POLR3A: variants seen among roughly 807,000 people sequenced by gnomAD.
POLR3A encodes RNA polymerase III subunit A.
A neutral mutation model predicts 152.8 loss-of-function variants in POLR3A; 112 were observed. The observed-to-expected ratio is 0.73, with a 90% CI of 0.63 to 0.86. The LOEUF (loss-of-function observed/expected upper bound fraction) is 0.86. Ranked by LOEUF, POLR3A falls within the 40% of genes least tolerant of loss-of-function variation. The pLI, the probability that POLR3A is intolerant of heterozygous loss-of-function variation, is 0.00. For missense variants in POLR3A, 1,385 were observed against 1,743.1 expected, an observed-to-expected ratio of 0.79 and a Z score of 3.66; for synonymous variants, 615 against 652.1, an observed-to-expected ratio of 0.94 and a Z score of 0.87.
intron 20 of POLR3A, among the ~76,000 whole-genome samples, chr10:77,991,555 C>T (rs545336423): frequency 2.0e-5 from 3 of 152,328 alleles, no homozygotes; most frequent in East Asian, 3.9e-4. Flanking sequence ...TGGAGTCTTG[C>T]TGGATTGCCA....
At position 78,010,469 on chromosome 10, in the gene POLR3A, A is replaced by G; in HGVS notation, c.1642+2T>C. ...CCTTTCAAGTGAACTTCACCAACCTACCTGTTAGAAAATCCTGAATAGCAG... is the reference window on the plus strand; with the variant it reads ...CCTTTCAAGTGAACTTCACCAACCTGCCTGTTAGAAAATCCTGAATAGCAG... On this transcript the variant is annotated splice_donor_variant, in intron 12 of 30. Transcript: ENST00000372371. LOFTEE classifies it high-confidence loss of function. 1 of 1,609,636 alleles carries G rather than the reference A, an allele frequency of 6.2e-7. No individual in the cohort carries two copies.
At position 77,984,306 on chromosome 10, in the gene POLR3A, GAAGC is replaced by G; in HGVS notation, c.3243-12_3243-9del. ...GCTGTGATAATTGGAGTGCTGTTGA[GAAGC>G]AAAGGAAAAATGGCACTAGCACAAG... On this transcript the variant is annotated splice_polypyrimidine_tract_variant and intron_variant, in intron 24 of 30. Coordinates refer to ENST00000372371, the MANE Select transcript of POLR3A (RefSeq NM_007055.4). 1 of 1,580,336 alleles carries G rather than the reference GAAGC, an allele frequency of 6.3e-7. No homozygotes were observed. Among genetic ancestry groups the G allele is most frequent in the Non-Finnish European group, 8.7e-7 (1 of 1,149,566 alleles).
intron 18 of POLR3A, 43 bp from the exon 19 acceptor site, chr10:78,000,161 C>A: frequency 6.3e-7 from 1 of 1,596,078 alleles, no homozygotes; most frequent in South Asian, 1.1e-5. Flanking sequence ...AAAAAAAGTT[C>A]AAGGCCCACG....
At chr10:77,999,476 T>G (rs969225045) in intron 19 of POLR3A, among the ~76,000 whole-genome samples, 28 of 152,254 alleles carry the variant, frequency 1.8e-4, no homozygotes, top group Admixed American at 1.5e-3. Flanking sequence ...AGCCTCTAGT[T>G]TAGCCCTGTG....
intron 10 of POLR3A, among the ~76,000 whole-genome samples, chr10:78,015,775 G>A (rs931047002): frequency 2.6e-5 from 4 of 152,174 alleles, no homozygotes; most frequent in South Asian, 2.1e-4. Context: ...TTCTGCCTCC[G>A]CCTCCTGAGT....
chr10:78,017,521 A>T, intron 10 of POLR3A, 54 bp downstream of exon 10: 1 of 1,575,792 alleles, frequency 6.3e-7, no homozygotes, highest in Non-Finnish European at 8.7e-7. Flanking sequence ...TTAGCACTGA[A>T]CAGTCATGGC....
At chr10:78,029,062 A>G (rs1473916913) in intron 1 of POLR3A, among the ~76,000 whole-genome samples, 1 of 152,146 alleles carries the variant, frequency 6.6e-6, no homozygotes, top group Non-Finnish European at 1.5e-5. Context: ...GCTGAAGAAC[A>G]GGGATCATTG....
rs200939269 is a variant in POLR3A at position 78,021,816 on chromosome 10, C to A, written c.1048+44G>T. 9.9e-6 allele frequency: 16 copies of A among 1,612,450 alleles called. No homozygotes were observed. The East Asian group carries it at 3.6e-4, about 36-fold the overall frequency. ...GGACAGACACTCCTGAAAAAGGAAC[C>A]AAAGAGAGTGGGCTGGCTTCTGCAC... On this transcript the variant is annotated intron_variant, in intron 7 of 30. Transcript: ENST00000372371.
intron 29 of POLR3A, 68 bp from the exon 30 acceptor site, chr10:77,980,341 G>C (rs1481600160): frequency 1.3e-6 from 2 of 1,488,374 alleles, no homozygotes; most frequent in African/African-American, 2.8e-5. Context: ...CCAAAGCACG[G>C]TGCACCTTCA....
chr10:77,990,536 T>C (rs1482995688), intron 21 of POLR3A, among the ~76,000 whole-genome samples: 1 of 151,794 alleles, frequency 6.6e-6, no homozygotes, highest in Non-Finnish European at 1.5e-5. Context: ...GTGAAAGACA[T>C]AAACTAAGAA....
intron 5 of POLR3A, 95 bp from the exon 6 acceptor site, chr10:78,022,479 T>C: frequency 1.6e-6 from 2 of 1,274,648 alleles, no homozygotes; most frequent in Non-Finnish European, 2.3e-6. Context: ...AACCTATCTG[T>C]CACTAAGGAT....
chr10:78,007,689 C>G lies in POLR3A; in HGVS notation c.2074+13G>C. On this transcript the variant is annotated intron_variant, in intron 15 of 30. Coordinates refer to ENST00000372371, the MANE Select transcript of POLR3A (RefSeq NM_007055.4). ...TGCAGCTTTAACTAAAAGAAGGATG[C>G]TGAGATACTTACACAGGTAGACAGG... is the stretch of plus-strand genomic sequence containing the variant. The G allele has an allele frequency of 6.2e-6, 10 of 1,611,460 alleles. No homozygotes were observed. Among genetic ancestry groups the G allele is most frequent in the Non-Finnish European group, 8.5e-6 (10 of 1,177,612 alleles).
chr10:78,024,422 A>AC, intron 5 of POLR3A, 127 bp downstream of exon 5: 1 of 835,658 alleles, frequency 1.2e-6, no homozygotes, highest in South Asian at 1.4e-5. Context: ...ACCTAACTGG[A>AC]CCTCTCATTT....
intron 8 of POLR3A, 144 bp downstream of exon 8, chr10:78,021,402 G>T: frequency 1.3e-6 from 1 of 756,668 alleles, no homozygotes; most frequent in Non-Finnish European, 2.3e-6. Context: ...AAGCAAACTG[G>T]GAAGACACAT....
At chr10:78,024,829 A>T in intron 4 of POLR3A, 126 bp from the exon 5 acceptor site, 1 of 1,329,842 alleles carries the variant, frequency 7.5e-7, no homozygotes, top group Non-Finnish European at 1.1e-6. Context: ...TCCGTTTCCC[A>T]ATAGGACATC....
chr10:78,000,122 A>C lies in POLR3A; in HGVS notation c.2479-4T>G. On this transcript the variant is annotated splice_polypyrimidine_tract_variant and splice_region_variant and intron_variant, in intron 18 of 30. Transcript: ENST00000372371. The stretch of plus-strand genomic sequence containing the variant: ...CAAAGCCTTTGGCAGCTGGGAGCTA[A>C]AGAGAGGTAGAAAAAAGAAAAATCA... 6.2e-7 allele frequency: 1 copy of C among 1,614,150 alleles called. No homozygotes were observed. The highest frequency in any genetic ancestry group is 8.5e-7 in the Non-Finnish European group (1 of 1,179,988).
chr10:78,019,527 G>T (rs562904437), intron 8 of POLR3A: 1 of 524,290 alleles, frequency 1.9e-6, no homozygotes, highest in Admixed American at 3.2e-5. Flanking sequence ...TTCCTCACTG[G>T]TAAAACGGGT....
chr10:78,009,451 C>T (rs752652653), intron 14 of POLR3A, 86 bp downstream of exon 14: 348 of 1,577,832 alleles, frequency 2.2e-4, no homozygotes, highest in Non-Finnish European at 2.8e-4. Flanking sequence ...TTGCTTGCTT[C>T]GCGAAGGTAC....
rs749429816 is a variant in POLR3A, at chr10:78,022,018, C to T, written c.890G>A (p.Arg297Gln). ...IFLNDVIKKHRISGAKTQMIM... is the reference protein window; with the variant it reads ...IFLNDVIKKHQISGAKTQMIM... ...CATCTGGGTCTTGGCTCCTGAGATC[C>T]GATGCTAAAACCAGCACAGCCCAAA... The change falls in exon 7 of 31, where the codon CGG becomes CAG. Residue 297 changes from arginine to glutamine, a missense_variant. Arg to Gln is a conservative substitution (Grantham distance 43). This residue lies in a region of POLR3A where 493 missense variants were observed against 647.5 expected (regional missense o/e 0.76). Transcript: ENST00000372371. 5.0e-6 allele frequency: 8 copies of T among 1,614,058 alleles called. No homozygotes were observed. Among genetic ancestry groups the T allele is most frequent in the South Asian group, 3.3e-5 (3 of 91,076 alleles).
Sources: allele counts gnomAD v4.1 joint callset (sites outside exome capture counted in the v4.1 genomes callset), GRCh38; gene constraint gnomAD v4.1.1; regional missense constraint gnomAD v4.1.1; transcripts MANE v1.5; gene names NCBI Gene and HGNC (gene_info 2026-07-23, HGNC 2026-07-21).